RAB26: variants seen among roughly 807,000 people sequenced by gnomAD.
RAB26 encodes ras-related protein Rab-26.
Under a neutral mutation model 33.1 loss-of-function variants are expected in RAB26, and 39 were observed. The observed-to-expected ratio is 1.18, with a 90% CI of 0.91 to 1.54. RAB26 has a LOEUF of 1.54. Among genes scored for constraint, RAB26 ranks in the 40% most tolerant of loss-of-function variants. The probability of loss-of-function intolerance (pLI) is 0.00; values close to 1 mark genes in which losing one functional copy is unlikely to be tolerated. For synonymous variants in RAB26, 192 were observed against 151.9 expected (o/e 1.26, Z -1.94); for missense variants, 468 against 362.9 (o/e 1.29, Z -2.35).
At chr16:2,150,894 G>A (rs997987276) in intron 2 of RAB26, among the ~76,000 whole-genome samples, 20 of 152,224 alleles carry the variant, frequency 1.3e-4, no homozygotes, top group Non-Finnish European at 2.4e-4. Context: ...AGGTGGCACA[G>A]GTTCCAGCTG....
chr16:2,150,035 T>G lies in RAB26; in HGVS notation c.290T>G (p.Val97Gly), dbSNP rs2092999713. 5 of 1,544,122 alleles carry G rather than the reference T, an allele frequency of 3.2e-6. No individual in the cohort carries two copies. The East Asian group carries it at 1.0e-4, about 31-fold the overall frequency. Residue 97 changes from valine (V) to glycine (G), a missense_variant, in exon 2 of 9, where the codon GTA becomes GGA. Val to Gly is a moderately radical substitution (Grantham distance 109, BLOSUM62 -3). Transcript: ENST00000210187. The stretch of plus-strand genomic sequence containing the variant: ...CTGGCGGGGACCTTCATCTCCACCG[T>G]AGGCATTGACTTCCGGGTGAGTGGA... ...AFLAGTFIST[V>G]GIDFRNKVLD...
rs927957784 is a variant in RAB26, at chr16:2,151,812, G to C, written c.416-44G>C. ...TTGGGGCGGGGGTCTGAGCACCTGA[G>C]GGTGCAGGTGATGGTGGATGTCCTC... On this transcript the variant is annotated intron_variant, in intron 4 of 8. Transcript: ENST00000210187. 3 of 1,613,800 alleles carry C rather than the reference G, an allele frequency of 1.9e-6. No homozygotes were observed. The African/African-American group carries it at 4.0e-5, about 22-fold the overall frequency.
At position 2,153,218 on chromosome 16, in the gene RAB26, G is replaced by A. The variant is rs1253708378; in HGVS notation, c.664G>A (p.Ala222Thr). ...LNVDLAFTAI[A>T]KELKQRSMKA... Reference sequence around the variant, plus strand: ...CGTGGACTTGGCCTTCACAGCCATAGCAAAGTAAGTCCTGCCAGTCACCAG... The same window carrying A: ...CGTGGACTTGGCCTTCACAGCCATAACAAAGTAAGTCCTGCCAGTCACCAG... The change falls in exon 8 of 9, where the codon GCA (alanine) becomes ACA (threonine). Residue 222 changes from alanine (A) to threonine (T), a missense_variant. Transcript: ENST00000210187. 6.2e-6 allele frequency: 10 copies of A among 1,613,830 alleles called. No individual in the cohort carries two copies. The highest frequency in any genetic ancestry group is 1.7e-6 in the Non-Finnish European group (2 of 1,180,012).
intron 2 of RAB26, chr16:2,151,268 CGTTA>C: frequency 1.7e-6 from 1 of 573,834 alleles, no homozygotes; most frequent in South Asian, 1.7e-5. Flanking sequence ...CGTTGCAGCT[CGTTA>C]GTTACTGCAC....
Position 2,153,391 on chromosome 16 carries a change from G to C in RAB26, c.741G>C (p.Glu247Asp). ...RFRLHDYVKR[E>D]GRGASCCRP ...GGCTGCATGATTACGTTAAGAGGGA[G>C]GGTCGAGGGGCCTCCTGCTGCCGCC... Residue 247 changes from glutamate to aspartate, a missense_variant, in exon 9 of 9, where the codon GAG (glutamate) becomes GAC (aspartate). Transcript: ENST00000210187. 6.2e-7 allele frequency: 1 copy of C among 1,613,474 alleles called. No individual in the cohort carries two copies.
In RAB26 at chr16:2,152,993, A is replaced by G. The variant is rs1442722523; in HGVS notation, c.539A>G (p.Asp180Gly). 1 of 1,587,716 alleles carries G rather than the reference A, an allele frequency of 6.3e-7. No individual in the cohort carries two copies. The highest frequency in any genetic ancestry group is 1.3e-5 in the African/African-American group (1 of 74,444). ...VALMLLGNKV[D>G]SAHERVVKRE... ...AAGACCCTGTGCCTGGGCCAGGTGGACTCTGCCCATGAGCGTGTGGTGAAG... is the reference window on the plus strand; with the variant it reads ...AAGACCCTGTGCCTGGGCCAGGTGGGCTCTGCCCATGAGCGTGTGGTGAAG... The change falls in exon 7 of 9, where the codon GAC (aspartate) becomes GGC (glycine). Residue 180 changes from aspartate to glycine, a missense_variant. By Grantham distance (94) the Asp-to-Gly change is moderately conservative. Coordinates refer to ENST00000210187, the MANE Select transcript of RAB26 (RefSeq NM_014353.5).
intron 2 of RAB26, among the ~76,000 whole-genome samples, chr16:2,150,621 A>AGTCTGGGAAGCTGTTCTCTACCCC: frequency 6.6e-6 from 1 of 151,874 alleles, no homozygotes; most frequent in Non-Finnish European, 1.5e-5. Flanking sequence ...GGCTCCCTCC[A>AGTCTGGGAAGCTGTTCTCTACCCC]GTCTGGGGGT....
chr16:2,152,280 C>T (rs1376878155), intron 5 of RAB26, among the ~76,000 whole-genome samples: 3 of 152,150 alleles, frequency 2.0e-5, no homozygotes, highest in African/African-American at 7.2e-5. Context: ...CGTTTTGGCA[C>T]ACACCTGTAA....
rs2093017540 is a variant in RAB26 at position 2,154,098 on chromosome 16, G to A, written c.*677G>A. ...TCAACTTGGCCTTTTGATTGCACAA[G>A]CCTTTGTTTTCAGTCCTAGTGAATA... On this transcript the variant is annotated 3_prime_UTR_variant, in exon 9 of 9. Transcript: ENST00000210187. 3.1e-6 allele frequency: 1 copy of A among 322,090 alleles called. No individual in the cohort carries two copies. The highest frequency in any genetic ancestry group is 6.2e-6 in the Non-Finnish European group (1 of 162,188). 20.0% of individuals were successfully genotyped at this position (322,090 alleles called of 1,614,324 possible).
intron 1 of RAB26, 129 bp downstream of exon 1, chr16:2,149,107 G>A: frequency 1.0e-6 from 1 of 966,592 alleles, no homozygotes; most frequent in Non-Finnish European, 1.3e-6. Flanking sequence ...GAGGAACCCC[G>A]TGGGGCTTGC....
In RAB26 at chr16:2,148,695, C is replaced by A; in HGVS notation, c.-89C>A. 1.8e-6 allele frequency: 2 copies of A among 1,131,144 alleles called. No individual in the cohort carries two copies. Among genetic ancestry groups the A allele is most frequent in the South Asian group, 4.5e-5 (1 of 22,396 alleles). The allele number at this position is 1,131,144 out of a possible 1,614,324, so 70.1% of individuals were successfully genotyped here. On this transcript the variant is annotated 5_prime_UTR_variant, in exon 1 of 9. Coordinates refer to ENST00000210187, the MANE Select transcript of RAB26 (RefSeq NM_014353.5). Reference sequence around the variant, plus strand: ...CGCCGCCGCCGCCAGGGGAAGGGTTCGGGTCCGGGTCGGGCTCGGCGGGCG... The same window carrying A: ...CGCCGCCGCCGCCAGGGGAAGGGTTAGGGTCCGGGTCGGGCTCGGCGGGCG...
In RAB26 at chr16:2,148,872, G is replaced by C. The variant is rs2092995204; in HGVS notation, c.89G>C (p.Arg30Pro). 2.9e-6 allele frequency: 4 copies of C among 1,392,770 alleles called. No individual in the cohort carries two copies. Among genetic ancestry groups the C allele is most frequent in the Non-Finnish European group, 2.8e-6 (3 of 1,071,268 alleles). The allele number at this position is 1,392,770 out of a possible 1,614,324, so 86.3% of individuals were successfully genotyped here. Residue 30 changes from arginine (R) to proline (P), a missense_variant, in exon 1 of 9, where the codon CGC becomes CCC. Arg to Pro is a moderately radical substitution (Grantham distance 103). Transcript: ENST00000210187. ...ACCGCCAACGGGGCCCGACCGGCGC[G>C]CTCCGGGACTGCGCTTTCCGGCCCC... ...LPTANGARPA[R>P]SGTALSGPDA...
intron 1 of RAB26, among the ~76,000 whole-genome samples, 200 bp from the exon 2 acceptor site, chr16:2,149,741 C>T (rs1242468070): frequency 1.3e-5 from 2 of 152,206 alleles, no homozygotes; most frequent in East Asian, 1.9e-4. Context: ...CTGACTGAGA[C>T]GGCCACTGTG....
intron 5 of RAB26, 70 bp from the exon 6 acceptor site, chr16:2,152,750 G>C: frequency 7.3e-7 from 1 of 1,369,666 alleles, no homozygotes; most frequent in African/African-American, 1.5e-5. Flanking sequence ...GTGTGACCTG[G>C]AGGGCCAAAG....
chr16:2,151,572 A>G lies in RAB26; in HGVS notation c.310A>G (p.Lys104Glu). Reference protein sequence around the residue: ...ISTVGIDFRNKVLDVDGVKVK... With the variant: ...ISTVGIDFRNEVLDVDGVKVK... ...TGCCTGGTTCTGTCTGTTTCAGAAC[A>G]AAGTTCTGGACGTGGATGGTGTGAA... The change falls in exon 3 of 9, where the codon AAA (lysine) becomes GAA (glutamate). Residue 104 changes from lysine (K) to glutamate (E), a missense_variant. Lys to Glu is a moderately conservative substitution (Grantham distance 56). Coordinates refer to ENST00000210187, the MANE Select transcript of RAB26 (RefSeq NM_014353.5). 6.2e-7 allele frequency: 1 copy of G among 1,613,942 alleles called. No individual in the cohort carries two copies. Among genetic ancestry groups the G allele is most frequent in the Non-Finnish European group, 8.5e-7 (1 of 1,180,028 alleles).
chr16:2,148,787 T>A lies in RAB26; in HGVS notation c.4T>A (p.Ser2Thr). The change falls in exon 1 of 9, where the codon TCC becomes ACC. Residue 2 changes from serine to threonine, a missense_variant. By Grantham distance (58) the Ser-to-Thr change is moderately conservative. Transcript: ENST00000210187. M[S>T]RKKTPKSKGA... ...GCACACTGAGCGCCCGCCCGCCATGTCCAGGAAGAAGACCCCCAAGAGCAA... is the reference window on the plus strand; with the variant it reads ...GCACACTGAGCGCCCGCCCGCCATGACCAGGAAGAAGACCCCCAAGAGCAA... 1 of 1,353,562 alleles carries A rather than the reference T, an allele frequency of 7.4e-7. No homozygotes were observed. Among genetic ancestry groups the A allele is most frequent in the Non-Finnish European group, 9.5e-7 (1 of 1,057,628 alleles). 83.8% of individuals were successfully genotyped at this position (1,353,562 alleles called of 1,614,324 possible). A position where few individuals can be genotyped will look rare whatever the true frequency, so the allele number is the denominator to read the frequency against.
chr16:2,152,192 C>G (rs1011084911), intron 5 of RAB26, among the ~76,000 whole-genome samples: 1 of 152,196 alleles, frequency 6.6e-6, no homozygotes, highest in Non-Finnish European at 1.5e-5. Context: ...GGCGGCTCAC[C>G]TGAGGTCAGG....
Position 2,152,828 on chromosome 16 carries a change from G to A in RAB26, c.477G>A (p.Leu159=), listed in dbSNP as rs1377012771. The change falls in exon 6 of 9, where the codon CTG becomes CTA. Residue 159 remains leucine, a synonymous_variant. Transcript: ENST00000210187. ...KASFDNIQAW[L]TEIHEYAQHD... ...TCTGCTGCCTCCCACAGGCCTGGCT[G>A]ACCGAGATCCACGAGTACGCCCAGC... The A allele has an allele frequency of 1.9e-6, 3 of 1,606,202 alleles. No homozygotes were observed. Among genetic ancestry groups the A allele is most frequent in the Non-Finnish European group, 1.7e-6 (2 of 1,177,906 alleles).
rs770806214 is a variant in RAB26, at chr16:2,152,859, G to A, written c.508G>A (p.Val170Met). The A allele has an allele frequency of 1.6e-5, 25 of 1,607,838 alleles. No homozygotes were observed. Among genetic ancestry groups the A allele is most frequent in the African/African-American group, 8.0e-5 (6 of 74,732 alleles). ...GATCCACGAGTACGCCCAGCACGAC[G>A]TGGCGCTCATGCTGCTGGGGAACAA... ...TEIHEYAQHD[V>M]ALMLLGNKVD... is the part of the protein sequence containing the mutation. The change falls in exon 6 of 9, where the codon GTG becomes ATG. Residue 170 changes from valine (V) to methionine (M), a missense_variant. By Grantham distance (21) the Val-to-Met change is conservative. Coordinates refer to ENST00000210187, the MANE Select transcript of RAB26 (RefSeq NM_014353.5).
Sources: gnomAD v4.1 joint callset for allele counts (sites outside exome capture counted in the v4.1 genomes callset) on GRCh38, gnomAD v4.1.1 for gene constraint, MANE v1.5 for transcripts, NCBI Gene and HGNC (gene_info 2026-07-23, HGNC 2026-07-21) for gene names.